TENM1: variants seen among roughly 807,000 people sequenced by gnomAD.
TENM1 encodes the protein teneurin-1.
TENM1 carries 35 observed loss-of-function variants against 174.8 expected under a neutral mutation model. That is an observed-to-expected ratio of 0.20 (90% CI 0.15 to 0.27). The LOEUF (loss-of-function observed/expected upper bound fraction) is 0.27. Ranked by LOEUF, TENM1 falls within the 10% of genes least tolerant of loss-of-function variation. The pLI, the probability that TENM1 is intolerant of heterozygous loss-of-function variation, is 1.00. For missense variants in TENM1, 1,633 were observed against 2,130.1 expected (o/e 0.77, Z 4.59); for synonymous variants, 781 against 798.7 (o/e 0.98, Z 0.37).
chrX:124,576,809 T>C (rs1228678245), intron 11 of TENM1, among the ~76,000 whole-genome samples: 1 of 111,972 alleles, frequency 8.9e-6, no homozygotes, highest in Non-Finnish European at 1.9e-5. Context: ...ATATTTGACC[T>C]GCTTTCCCTT....
At chrX:124,859,033 C>T (rs2056863209) in intron 3 of TENM1, among the ~76,000 whole-genome samples, 1 of 111,295 alleles carries the variant, frequency 9.0e-6, no homozygotes. Context: ...CTAAGTTTAA[C>T]CGAATTTCTT....
intron 3 of TENM1, among the ~76,000 whole-genome samples, chrX:124,840,807 A>T (rs1464104952): frequency 1.8e-5 from 2 of 111,968 alleles, no homozygotes; most frequent in Non-Finnish European, 3.8e-5. Flanking sequence ...TACTAATGAA[A>T]GTTTGCCAAA....
At chrX:124,932,950 A>G (rs2058193512) in intron 1 of TENM1, among the ~76,000 whole-genome samples, 2 of 111,985 alleles carry the variant, frequency 1.8e-5, no homozygotes, top group South Asian at 7.5e-4. Flanking sequence ...TTAAGATCAC[A>G]ATCAGTACTG....
intron 3 of TENM1, among the ~76,000 whole-genome samples, chrX:124,831,220 C>T (rs751437566): frequency 9.0e-6 from 1 of 111,144 alleles, no homozygotes; most frequent in East Asian, 2.8e-4. Context: ...AAACTAAGAG[C>T]TTCCTAGGCA....
the TENM1 span, among the ~76,000 whole-genome samples, chrX:125,164,228 T>C: frequency 9.0e-6 from 1 of 111,592 alleles, no homozygotes; most frequent in Admixed American, 9.5e-5. Flanking sequence ...GATTGATAAA[T>C]ATAGCTAACT....
chrX:124,405,791 T>C (rs748740542), intron 26 of TENM1, among the ~76,000 whole-genome samples: 4 of 111,340 alleles, frequency 3.6e-5, no homozygotes, highest in Non-Finnish European at 5.7e-5. Context: ...CTTTGTGCAC[T>C]TGTCCTCTAG....
intron 16 of TENM1, among the ~76,000 whole-genome samples, chrX:124,526,009 T>C (rs1001535386): frequency 1.5e-4 from 17 of 112,103 alleles, no homozygotes; most frequent in African/African-American, 3.9e-4. Flanking sequence ...AGATACTGAT[T>C]TTTAAGGTCT....
At chrX:125,177,865 C>A in the TENM1 span, among the ~76,000 whole-genome samples, 1 of 112,014 alleles carries the variant, frequency 8.9e-6, no homozygotes, top group East Asian at 2.8e-4. Context: ...TCTATAAACA[C>A]GTAGCAAAAC....
chrX:124,728,983 T>C (rs1402719813), intron 4 of TENM1, among the ~76,000 whole-genome samples: 2 of 112,578 alleles, frequency 1.8e-5, no homozygotes, highest in African/African-American at 6.5e-5. Flanking sequence ...GCTTGGCATA[T>C]AGTAATGCTG....
chrX:124,920,293 T>G (rs1329605633), intron 1 of TENM1, among the ~76,000 whole-genome samples: 1 of 111,695 alleles, frequency 9.0e-6, no homozygotes, highest in Admixed American at 9.5e-5. Flanking sequence ...TGTAATGTTT[T>G]GCAATTTTCC....
At chrX:124,814,075 C>T (rs1013204694) in intron 3 of TENM1, among the ~76,000 whole-genome samples, 4 of 111,459 alleles carry the variant, frequency 3.6e-5, no homozygotes, top group African/African-American at 1.3e-4. Context: ...AAGAGGGAGA[C>T]AGCATAGTTT....
chrX:124,875,431 T>C (rs2057181060), intron 3 of TENM1, among the ~76,000 whole-genome samples: 1 of 110,594 alleles, frequency 9.0e-6, no homozygotes, highest in South Asian at 3.8e-4. Context: ...TTTTTTTAGA[T>C]ATACAATTAT....
At chrX:125,146,788 G>A in the TENM1 span, among the ~76,000 whole-genome samples, 4 of 111,115 alleles carry the variant, frequency 3.6e-5, no homozygotes, top group Non-Finnish European at 7.5e-5. Context: ...AAAACATGCT[G>A]TAATAAAATT....
chrX:124,865,217 C>T (rs1307838290), intron 3 of TENM1, among the ~76,000 whole-genome samples: 1 of 111,419 alleles, frequency 9.0e-6, no homozygotes, highest in African/African-American at 3.3e-5. Context: ...CACAAAATAT[C>T]GTAACACTGT....
At chrX:125,144,351 T>C in the TENM1 span, among the ~76,000 whole-genome samples, 1 of 112,072 alleles carries the variant, frequency 8.9e-6, no homozygotes, top group African/African-American at 3.2e-5. Flanking sequence ...TTCTAATTCC[T>C]GCCACTTTCC....
intron 6 of TENM1, among the ~76,000 whole-genome samples, chrX:124,654,591 G>C (rs1241357115): frequency 1.8e-5 from 2 of 111,700 alleles, no homozygotes; most frequent in East Asian, 2.8e-4. Context: ...ACTAAAAAGA[G>C]GAAAGAAACT....
upstream of TENM1, among the ~76,000 whole-genome samples, chrX:124,964,121 C>T (rs575854533): frequency 2.7e-5 from 3 of 112,020 alleles, no homozygotes; most frequent in East Asian, 2.8e-4. Context: ...ATGGTGTGTG[C>T]GTGTTTTTAA....
intron 16 of TENM1, among the ~76,000 whole-genome samples, chrX:124,526,464 A>T (rs2148059508): frequency 8.9e-6 from 1 of 112,503 alleles, no homozygotes. Context: ...CACAGTAAAC[A>T]CTGCCTGGCT....
intron 3 of TENM1, among the ~76,000 whole-genome samples, chrX:124,879,840 T>C (rs2057273747): frequency 8.9e-6 from 1 of 112,110 alleles, no homozygotes; most frequent in Non-Finnish European, 1.9e-5. Context: ...TATTTCATTT[T>C]GATTTGTATC....
Sources: allele counts gnomAD v4.1 joint callset (sites outside exome capture counted in the v4.1 genomes callset), GRCh38; gene constraint gnomAD v4.1.1; transcripts MANE v1.5; gene names NCBI Gene and HGNC (gene_info 2026-07-23, HGNC 2026-07-21).